The following CCBE1 variants were observed in gnomAD, a reference collection of about 807,000 sequenced individuals.
CCBE1 encodes the protein collagen and calcium binding EGF domains 1.
In CCBE1, 37 loss-of-function variants were observed where a neutral mutation model predicts 50.0. The ratio of observed to expected loss-of-function variants is 0.74; its 90% CI spans 0.57 to 0.97. The LOEUF (loss-of-function observed/expected upper bound fraction) is 0.97. CCBE1 is among the 50% of genes least tolerant of loss of function. CCBE1 has a pLI of 0.00. For missense variants in CCBE1, 538 were observed against 523.8 expected (o/e 1.03, Z -0.26); for synonymous variants, 234 against 203.7 (o/e 1.15, Z -1.27).
chr18:59,486,271 A>T (rs890875977), intron 2 of CCBE1, among the ~76,000 whole-genome samples: 13 of 152,226 alleles, frequency 8.5e-5, no homozygotes, highest in African/African-American at 3.1e-4. Context: ...ACAACAAGCA[A>T]ATGGCAAAAG....
At chr18:59,541,384 C>T (rs1341229903) in intron 2 of CCBE1, among the ~76,000 whole-genome samples, 1 of 152,140 alleles carries the variant, frequency 6.6e-6, no homozygotes, top group Admixed American at 6.5e-5. Flanking sequence ...GCAAAAAATT[C>T]TACATTAAAT....
intron 5 of CCBE1, among the ~76,000 whole-genome samples, chr18:59,458,121 A>AATCCATCCATCC (rs72142081): frequency 6.6e-6 from 1 of 150,958 alleles, no homozygotes; most frequent in African/African-American, 2.4e-5. Flanking sequence ...TCTGTCCATC[A>AATCCATCCATCC]ATCCATCCAT....
At chr18:59,539,239 C>T (rs769540111) in intron 2 of CCBE1, among the ~76,000 whole-genome samples, 19 of 152,060 alleles carry the variant, frequency 1.2e-4, no homozygotes, top group Non-Finnish European at 1.5e-4. Flanking sequence ...AATGACAGAC[C>T]GTGACTGCCA....
At chr18:59,583,682 C>T (rs3133208) in intron 2 of CCBE1, among the ~76,000 whole-genome samples, 10,354 of 35,588 alleles carry the variant, frequency 0.29, 844 homozygotes, top group African/African-American at 0.51. Context: ...TGTGTGTGTG[C>T]GCGCGCGCGC....
At chr18:59,467,910 G>A (rs1358154108) in intron 4 of CCBE1, among the ~76,000 whole-genome samples, 1 of 152,192 alleles carries the variant, frequency 6.6e-6, no homozygotes, top group African/African-American at 2.4e-5. Context: ...TAGACCGGAT[G>A]TTGCAGCTGC....
intron 5 of CCBE1, among the ~76,000 whole-genome samples, chr18:59,465,173 C>T (rs1911681574): frequency 6.6e-6 from 1 of 152,198 alleles, no homozygotes; most frequent in African/African-American, 2.4e-5. Context: ...TAGAAAGGCC[C>T]TTGACATGTA....
In CCBE1 at chr18:59,577,361, G is replaced by A. The variant is rs190634348; in HGVS notation, c.213-97123C>T. Among the ~76,000 whole-genome samples the A allele has an allele frequency of 4.3e-4, 66 of 152,276 alleles. 1 individual carries two copies. The highest frequency in any genetic ancestry group is 1.3e-3 in the African/African-American group (55 of 41,550). ...CAAAAACCAAGTCTGGCAGTGCAGC[G>A]GGGGTTTGAAGATTAATTTAATAAA... On this transcript the variant is annotated intron_variant, in intron 2 of 10. Coordinates refer to ENST00000439986, the MANE Select transcript of CCBE1 (RefSeq NM_133459.4).
intron 2 of CCBE1, among the ~76,000 whole-genome samples, chr18:59,489,803 T>A (rs2143801694): frequency 6.6e-6 from 1 of 152,108 alleles, no homozygotes; most frequent in East Asian, 1.9e-4. Flanking sequence ...CTAAATGAAT[T>A]TTCTACCTTG....
At chr18:59,461,487 T>G (rs4480907) in intron 5 of CCBE1, among the ~76,000 whole-genome samples, 19,018 of 152,108 alleles carry the variant, frequency 0.13, 1,490 homozygotes, top group Middle Eastern at 0.28. Flanking sequence ...CTTTCAAATA[T>G]TCCTGGTTAC....
chr18:59,571,238 G>A (rs2052909189), intron 2 of CCBE1, among the ~76,000 whole-genome samples: 1 of 152,046 alleles, frequency 6.6e-6, no homozygotes, highest in African/African-American at 2.4e-5. Flanking sequence ...TTCCTTATGT[G>A]TTTCTTCTTG....
At chr18:59,642,721 A>G (rs2043039) in intron 2 of CCBE1, among the ~76,000 whole-genome samples, 136,575 of 151,934 alleles carry the variant, frequency 0.9, 61,397 homozygotes, top group Admixed American at 0.92. Context: ...AGGCTGAGGC[A>G]GGTGAATCAT....
chr18:59,533,536 T>C (rs928417888), intron 2 of CCBE1, among the ~76,000 whole-genome samples: 3 of 152,186 alleles, frequency 2.0e-5, no homozygotes, highest in African/African-American at 7.2e-5. Flanking sequence ...GTTAGAAATA[T>C]GTAAAGAAAA....
chr18:59,594,233 T>C (rs1475117845), intron 2 of CCBE1, among the ~76,000 whole-genome samples: 2 of 152,244 alleles, frequency 1.3e-5, no homozygotes, highest in African/African-American at 4.8e-5. Context: ...GTCCTCCTTC[T>C]ACAAATGAAT....
At chr18:59,445,690 A>G (rs529840397) in intron 7 of CCBE1, among the ~76,000 whole-genome samples, 2 of 152,362 alleles carry the variant, frequency 1.3e-5, no homozygotes, top group South Asian at 2.1e-4. Context: ...AGGTATATCT[A>G]CAATGAGTTT....
chr18:59,617,204 T>C (rs1252973981), intron 2 of CCBE1, among the ~76,000 whole-genome samples: 1 of 152,342 alleles, frequency 6.6e-6, no homozygotes, highest in Non-Finnish European at 1.5e-5. Context: ...GATTTGGGGT[T>C]GAAAAAGTTA....
intron 2 of CCBE1, among the ~76,000 whole-genome samples, chr18:59,678,370 C>G (rs541490137): frequency 7.2e-5 from 11 of 152,200 alleles, no homozygotes; most frequent in African/African-American, 2.6e-4. Flanking sequence ...ATATTTTATA[C>G]TAAACATTTA....
At chr18:59,555,434 A>G (rs2052642137) in intron 2 of CCBE1, among the ~76,000 whole-genome samples, 1 of 152,182 alleles carries the variant, frequency 6.6e-6, no homozygotes, top group African/African-American at 2.4e-5. Context: ...TCTCTGCTCC[A>G]TAAGCCCAGG....
chr18:59,611,707 C>A (rs2053570764), intron 2 of CCBE1, among the ~76,000 whole-genome samples: 1 of 152,030 alleles, frequency 6.6e-6, no homozygotes, highest in African/African-American at 2.4e-5. Flanking sequence ...GATTGTGCCA[C>A]TGCACTCCAG....
chr18:59,455,014 C>G (rs1362153681), intron 5 of CCBE1, 63 bp from the exon 6 acceptor site: 2 of 1,340,810 alleles, frequency 1.5e-6, no homozygotes, highest in Non-Finnish European at 2.1e-6. Context: ...CCCAGAGAGA[C>G]AGCATCGGGA....
Sources: gnomAD v4.1 joint callset for allele counts (sites outside exome capture counted in the v4.1 genomes callset) on GRCh38, gnomAD v4.1.1 for gene constraint, MANE v1.5 for transcripts, NCBI Gene and HGNC (gene_info 2026-07-23, HGNC 2026-07-21) for gene names.